FGD5: variants seen among roughly 807,000 people sequenced by gnomAD.
FGD5 encodes FYVE, RhoGEF and PH domain-containing protein 5.
Under a neutral mutation model 133.4 loss-of-function variants are expected in FGD5, and 28 were observed. The observed-to-expected ratio is 0.21, with a 90% CI of 0.16 to 0.29. FGD5 has a LOEUF of 0.29. Among genes scored for constraint, FGD5 ranks in the 10% least tolerant of loss-of-function variants. The probability of loss-of-function intolerance (pLI) is 1.00; values close to 1 mark genes in which losing one functional copy is unlikely to be tolerated. For missense variants in FGD5, 1,858 were observed against 1,895.2 expected (o/e 0.98, Z 0.36); for synonymous variants, 810 against 776.5 (o/e 1.04, Z -0.72).
chr3:14,858,133 C>T (rs2037321670), intron 1 of FGD5, among the ~76,000 whole-genome samples: 1 of 152,096 alleles, frequency 6.6e-6, no homozygotes, highest in African/African-American at 2.4e-5. Flanking sequence ...TCTCTGGGCT[C>T]AGAAGTAATT....
intron 9 of FGD5, among the ~76,000 whole-genome samples, chr3:14,904,447 A>G (rs1258300734): frequency 6.6e-6 from 1 of 151,786 alleles, no homozygotes; most frequent in Non-Finnish European, 1.5e-5. Flanking sequence ...GGCTATTGGG[A>G]GCGTTTTCAG....
chr3:14,914,530 C>T (rs764638099), intron 11 of FGD5, among the ~76,000 whole-genome samples: 3 of 152,186 alleles, frequency 2.0e-5, no homozygotes, highest in Non-Finnish European at 4.4e-5. Context: ...TGGCAGTTGC[C>T]ATGGCAGCAG....
intron 4 of FGD5, among the ~76,000 whole-genome samples, chr3:14,896,025 C>T (rs149571734): frequency 3.3e-5 from 5 of 151,986 alleles, no homozygotes; most frequent in African/African-American, 1.2e-4. Flanking sequence ...GAAAGCAATC[C>T]CATTTATCAT....
At chr3:14,890,478 C>T (rs532160362) in intron 4 of FGD5, among the ~76,000 whole-genome samples, 4 of 152,268 alleles carry the variant, frequency 2.6e-5, no homozygotes, top group African/African-American at 4.8e-5. Context: ...AGGACGGGTG[C>T]CTCCTACCCA....
At chr3:14,889,611 T>A (rs4684243) in intron 4 of FGD5, among the ~76,000 whole-genome samples, 95,434 of 151,952 alleles carry the variant, frequency 0.63, 31,060 homozygotes, top group Non-Finnish European at 0.73. Context: ...CTTTACTAGA[T>A]ACTGCCAGAT....
intron 18 of FGD5, among the ~76,000 whole-genome samples, chr3:14,927,495 G>A (rs1377921357): frequency 2.0e-5 from 3 of 152,004 alleles, no homozygotes; most frequent in African/African-American, 7.3e-5. Context: ...AATGAATGAT[G>A]GACTTAAGTA....
At chr3:14,908,953 C>T (rs150578687) in intron 10 of FGD5, among the ~76,000 whole-genome samples, 1,489 of 137,362 alleles carry the variant, frequency 0.011, 25 homozygotes, top group African/African-American at 0.035. Context: ...TTTATTTATT[C>T]ATTCATTCAT....
chr3:14,886,936 AT>A (rs1284691074), intron 4 of FGD5, among the ~76,000 whole-genome samples: 1 of 152,164 alleles, frequency 6.6e-6, no homozygotes, highest in Non-Finnish European at 1.5e-5. Context: ...ACTTAAATGT[AT>A]TTTATGGCCC....
At position 14,891,039 on chromosome 3, in the gene FGD5, T is replaced by G. The variant is rs80125212; in HGVS notation, c.2749-6470T>G. Among the ~76,000 whole-genome samples the G allele has an allele frequency of 6.0e-4, 91 of 152,288 alleles. No homozygotes were observed. The East Asian group carries it at 0.014, about 24-fold the overall frequency. On this transcript the variant is annotated intron_variant, in intron 4 of 19. Transcript: ENST00000285046. ...ACCCAGCCCAGAACAAATGAGAGTG[T>G]GTTGAAAGCCCCTTGTCAGACAATG...
chr3:14,820,419 T>A lies in FGD5; in HGVS notation c.1348T>A (p.Ser450Thr), dbSNP rs995971078. 5.6e-6 allele frequency: 9 copies of A among 1,613,812 alleles called. No homozygotes were observed. The highest frequency in any genetic ancestry group is 7.6e-6 in the Non-Finnish European group (9 of 1,179,864). Residue 450 changes from serine to threonine, a missense_variant, in exon 1 of 20, where the codon TCG becomes ACG. Around this residue, in one of 3 missense-constraint regions of FGD5, gnomAD observed 1,824 missense variants for 1,848.9 expected, o/e 0.99. Transcript: ENST00000285046. ...AAPGEGGQAA[S>T]DALGGYGSKE... Reference sequence around the variant, plus strand: ...CCCTGGAGAAGGAGGGCAGGCTGCATCGGACGCCCTGGGTGGTTATGGCTC... The same window carrying A: ...CCCTGGAGAAGGAGGGCAGGCTGCAACGGACGCCCTGGGTGGTTATGGCTC...
In FGD5 at chr3:14,932,694, T is replaced by G. The variant is rs2038919805; in HGVS notation, c.4315T>G (p.Tyr1439Asp). Residue 1439 changes from tyrosine to aspartate, a missense_variant, in exon 19 of 20, where the codon TAT becomes GAT. Transcript: ENST00000285046. ...CCTTTACCACAAGAAAACCCTATTT[T>G]ATAGCTTCAAAGCAGAAGATACCAA... ...FHLYHKKTLF[Y>D]SFKAEDTNSA... 3.7e-6 allele frequency: 6 copies of G among 1,613,872 alleles called. No homozygotes were observed. Among genetic ancestry groups the G allele is most frequent in the Non-Finnish European group, 5.1e-6 (6 of 1,179,896 alleles).
chr3:14,880,485 G>T, intron 2 of FGD5, 87 bp from the exon 3 acceptor site: 2 of 1,289,966 alleles, frequency 1.6e-6, no homozygotes, highest in Non-Finnish European at 2.2e-6. Flanking sequence ...TCTGCAAAAT[G>T]CTTGGAACTT....
chr3:14,864,042 C>G (rs1186105780), intron 1 of FGD5, 86 bp from the exon 2 acceptor site: 1 of 1,551,180 alleles, frequency 6.4e-7, no homozygotes, highest in East Asian at 2.3e-5. Flanking sequence ...TTTCTGTCCC[C>G]ATGGCATGAA....
rs571887027 is a variant in FGD5 at position 14,882,170 on chromosome 3, G to A, written c.2748+1398G>A. The A allele has an allele frequency of 1.1e-3, 422 of 371,106 alleles. 1 individual carries two copies. Among genetic ancestry groups the A allele is most frequent in the South Asian group, 1.5e-3 (14 of 9,126 alleles). 23.0% of individuals were successfully genotyped at this position (371,106 alleles called of 1,614,324 possible). On this transcript the variant is annotated intron_variant, in intron 4 of 19. Coordinates refer to ENST00000285046, the MANE Select transcript of FGD5 (RefSeq NM_152536.4). ...CTTTTATACCTAAAAGATCTATTTG[G>A]CAAAGGCCTGAAGGATCAGTTTCCC...
intron 4 of FGD5, among the ~76,000 whole-genome samples, chr3:14,887,081 C>T (rs1048476798): frequency 2.6e-5 from 4 of 152,168 alleles, no homozygotes; most frequent in African/African-American, 9.7e-5. Flanking sequence ...TCTTCTGCAT[C>T]CTCACTTTTT....
intron 13 of FGD5, among the ~76,000 whole-genome samples, chr3:14,919,420 C>T (rs544690015): frequency 2.0e-5 from 3 of 152,302 alleles, no homozygotes; most frequent in South Asian, 4.1e-4. Flanking sequence ...AGATCGAGGC[C>T]ATCCTGGCTA....
intron 1 of FGD5, among the ~76,000 whole-genome samples, chr3:14,826,668 A>C (rs1013259574): frequency 1.3e-5 from 2 of 152,228 alleles, no homozygotes; most frequent in Non-Finnish European, 1.5e-5. Context: ...CCGAGGTCAC[A>C]TAGTGGTGGA....
At position 14,894,674 on chromosome 3, in the gene FGD5, ATT is replaced by A. The variant is rs55815625; in HGVS notation, c.2749-2817_2749-2816del. On this transcript the variant is annotated intron_variant, in intron 4 of 19. Transcript: ENST00000285046. ...GAGACCACAGGTGCAGGTCCAGCTA[ATT>A]TTTTTTTTTTTTTTTTTAGATACGA... Among the ~76,000 whole-genome samples the A allele has an allele frequency of 2.7e-3, 348 of 128,304 alleles. 1 individual carries two copies. The highest frequency in any genetic ancestry group is 5.4e-3 in the African/African-American group (181 of 33,548). 84.2% of individuals were successfully genotyped at this position (128,304 alleles called of 152,430 possible). A position where few individuals can be genotyped will look rare whatever the true frequency, so the allele number is the denominator to read the frequency against.
At chr3:14,853,883 C>G (rs1289289779) in intron 1 of FGD5, among the ~76,000 whole-genome samples, 1 of 145,386 alleles carries the variant, frequency 6.9e-6, no homozygotes, top group Admixed American at 7.0e-5. Context: ...TTTGGAAGGT[C>G]GTTTAAGGTA....
Sources: allele counts gnomAD v4.1 joint callset (sites outside exome capture counted in the v4.1 genomes callset), GRCh38; gene constraint gnomAD v4.1.1; regional missense constraint gnomAD v4.1.1; transcripts MANE v1.5; gene names NCBI Gene and HGNC (gene_info 2026-07-23, HGNC 2026-07-21).